TACC1: variants seen among roughly 807,000 people sequenced by gnomAD.
TACC1 encodes transforming acidic coiled-coil containing protein 1.
TACC1 carries 48 observed loss-of-function variants against 84.4 expected under a neutral mutation model. The ratio of observed to expected loss-of-function variants is 0.57; its 90% CI spans 0.45 to 0.72. The LOEUF (loss-of-function observed/expected upper bound fraction) is 0.72, where lower values mean the gene tolerates loss of function less well. Among genes scored for constraint, TACC1 ranks in the 30% least tolerant of loss-of-function variants. TACC1 has a pLI of 0.00. For synonymous variants in TACC1, 372 were observed against 376.3 expected (o/e 0.99, Z 0.13); for missense variants, 920 against 973.0 (o/e 0.95, Z 0.72).
At chr8:38,816,358 A>G (rs1046018812) in intron 2 of TACC1, among the ~76,000 whole-genome samples, 67 of 152,310 alleles carry the variant, frequency 4.4e-4, no homozygotes, top group African/African-American at 1.5e-3. Context: ...GTTAAAAGGC[A>G]CATTTCCTGT....
exon 2 of TACC1, chr8:38,742,451 G>A (rs1807254576): frequency 6.5e-7 from 1 of 1,527,768 alleles, no homozygotes; most frequent in Non-Finnish European, 8.8e-7. Flanking sequence ...AACCATCAAA[G>A]GTAATTCTTT....
intron 3 of TACC1, 79 bp from the exon 4 acceptor site, chr8:38,825,229 T>C: frequency 2.0e-6 from 3 of 1,469,982 alleles, no homozygotes; most frequent in Non-Finnish European, 2.9e-6. Context: ...CCGCACACAC[T>C]GCTGTCTGCT....
At chr8:38,742,807 C>T (rs1418087187) in intron 2 of TACC1, among the ~76,000 whole-genome samples, 2 of 152,164 alleles carry the variant, frequency 1.3e-5, no homozygotes, top group Admixed American at 1.3e-4. Context: ...TTTCGTCTCC[C>T]AGGTTCAAGC....
chr8:38,834,379 G>A (rs184796693), intron 6 of TACC1, among the ~76,000 whole-genome samples: 32 of 152,278 alleles, frequency 2.1e-4, no homozygotes, highest in East Asian at 1.7e-3. Flanking sequence ...CATCCATGAC[G>A]TTTGCCATAT....
At chr8:38,770,778 T>G (rs1813452097) in intron 3 of TACC1, among the ~76,000 whole-genome samples, 1 of 151,718 alleles carries the variant, frequency 6.6e-6, no homozygotes. Context: ...GCGCCAGGAG[T>G]CTCTTCGGTA....
chr8:38,801,840 C>T (rs1315723684), intron 2 of TACC1, among the ~76,000 whole-genome samples: 1 of 152,150 alleles, frequency 6.6e-6, no homozygotes, highest in Non-Finnish European at 1.5e-5. Flanking sequence ...TTAAATCTTC[C>T]AATTCATGAA....
At chr8:38,817,944 AAAAC>A (rs1825812657) in intron 2 of TACC1, among the ~76,000 whole-genome samples, 1 of 149,514 alleles carries the variant, frequency 6.7e-6, no homozygotes, top group Non-Finnish European at 1.5e-5. Context: ...AAAAAAAAAA[AAAAC>A]AGGCTGGACG....
chr8:38,766,410 T>A (rs1018683434), intron 3 of TACC1, among the ~76,000 whole-genome samples: 4 of 152,234 alleles, frequency 2.6e-5, no homozygotes, highest in Non-Finnish European at 4.4e-5. Context: ...TCCTGTCTAT[T>A]TTTGGAGGTA....
At chr8:38,734,779 C>G (rs930910784) in intron 1 of TACC1, among the ~76,000 whole-genome samples, 1 of 152,242 alleles carries the variant, frequency 6.6e-6, no homozygotes, top group African/African-American at 2.4e-5. Flanking sequence ...CCATAGTTAG[C>G]TGCGATGCCC....
In TACC1 at chr8:38,787,448, C is replaced by G. The variant is rs1331061154; in HGVS notation, c.-135C>G. On this transcript the variant is annotated 5_prime_UTR_variant, in exon 1 of 13. Coordinates refer to ENST00000317827, the MANE Select transcript of TACC1 (RefSeq NM_006283.3). Reference sequence around the variant, plus strand: ...CTCCACCAGGGCCCCCGACGGCACTCGTTTAACCACATCCGCGCCTCTGCT... The same window carrying G: ...CTCCACCAGGGCCCCCGACGGCACTGGTTTAACCACATCCGCGCCTCTGCT... The G allele has an allele frequency of 2.7e-5, 37 of 1,383,286 alleles. No homozygotes were observed. The highest frequency in any genetic ancestry group is 3.2e-5 in the Non-Finnish European group (34 of 1,075,758). 85.7% of individuals were successfully genotyped at this position (1,383,286 alleles called of 1,614,324 possible). A position where few individuals can be genotyped will look rare whatever the true frequency, so the allele number is the denominator to read the frequency against.
At chr8:38,773,916 G>A (rs1294314196) in intron 3 of TACC1, among the ~76,000 whole-genome samples, 2 of 152,280 alleles carry the variant, frequency 1.3e-5, no homozygotes, top group East Asian at 3.9e-4. Context: ...CTATGGGCAG[G>A]TTTTTCTTTC....
chr8:38,842,151 A>C (rs2152323218), intron 9 of TACC1, 136 bp from the exon 10 acceptor site: 6 of 995,126 alleles, frequency 6.0e-6, no homozygotes, highest in South Asian at 3.2e-5. Context: ...GTCTCCCCCA[A>C]CTAGAGTATA....
At chr8:38,755,707 A>AAAC (rs71216684) in intron 3 of TACC1, among the ~76,000 whole-genome samples, 34,945 of 140,608 alleles carry the variant, frequency 0.25, 4,211 homozygotes, top group Admixed American at 0.3. Context: ...CGGTCTTTCA[A>AAAC]AACAACAACA....
intron 1 of TACC1, among the ~76,000 whole-genome samples, chr8:38,730,699 G>C (rs1262605134): frequency 6.6e-6 from 1 of 152,216 alleles, no homozygotes; most frequent in Non-Finnish European, 1.5e-5. Flanking sequence ...TTGCAGCCCT[G>C]TTTGACAGAA....
At chr8:38,837,622 G>A (rs1236881565) in intron 7 of TACC1, among the ~76,000 whole-genome samples, 4 of 152,222 alleles carry the variant, frequency 2.6e-5, no homozygotes, top group African/African-American at 9.6e-5. Context: ...ATGACTTGAT[G>A]TTTTTCCTGG....
intron 3 of TACC1, chr8:38,757,243 C>A: frequency 3.2e-6 from 2 of 616,438 alleles, no homozygotes; most frequent in Non-Finnish European, 4.4e-6. Flanking sequence ...CACCCTTCCT[C>A]CCGCCCCACC....
At position 38,851,172 on chromosome 8, in the gene TACC1, A is replaced by G. The variant is rs543180610; in HGVS notation, c.*3149A>G. The G allele has an allele frequency of 2.6e-5, 4 of 152,326 alleles. No individual in the cohort carries two copies. Among genetic ancestry groups the G allele is most frequent in the African/African-American group, 9.6e-5 (4 of 41,564 alleles). The allele number at this position is 152,326 out of a possible 1,614,324, so 9.4% of individuals were successfully genotyped here. A position where few individuals can be genotyped will look rare whatever the true frequency, so the allele number is the denominator to read the frequency against. On this transcript the variant is annotated 3_prime_UTR_variant, in exon 13 of 13. Transcript: ENST00000317827. ...GAAGTGCAGAAGCACATGATGGTGAAAAACCTAGGATTTGGCAGCCTTCCA... is the reference window on the plus strand; with the variant it reads ...GAAGTGCAGAAGCACATGATGGTGAGAAACCTAGGATTTGGCAGCCTTCCA...
At chr8:38,840,346 T>C (rs1563950469) in intron 9 of TACC1, 79 bp downstream of exon 9, 2 of 1,309,558 alleles carry the variant, frequency 1.5e-6, no homozygotes, top group Non-Finnish European at 2.2e-6. Context: ...TAACAAAATA[T>C]GTAAGCTAGG....
intron 1 of TACC1, chr8:38,742,314 A>AC: frequency 1.1e-6 from 1 of 915,846 alleles, no homozygotes; most frequent in Non-Finnish European, 1.5e-6. Flanking sequence ...CCTTATGATT[A>AC]AGCATGTGAC....
Sources: gnomAD v4.1 joint callset for allele counts (sites outside exome capture counted in the v4.1 genomes callset) on GRCh38, gnomAD v4.1.1 for gene constraint, MANE v1.5 for transcripts, NCBI Gene and HGNC (gene_info 2026-07-23, HGNC 2026-07-21) for gene names.